The following LDLRAD3 variants were observed in gnomAD, a reference collection of about 807,000 sequenced individuals.
LDLRAD3 encodes the protein low density lipoprotein receptor class A domain containing 3.
Under a neutral mutation model 29.4 loss-of-function variants are expected in LDLRAD3, and 20 were observed. The ratio of observed to expected loss-of-function variants is 0.68; its 90% CI spans 0.48 to 0.99. The LOEUF is 0.99. Ranked by LOEUF, LDLRAD3 falls within the 50% of genes least tolerant of loss-of-function variation. LDLRAD3 has a pLI of 0.00. For missense variants in LDLRAD3, 420 were observed against 454.3 expected (o/e 0.92, Z 0.69); for synonymous variants, 157 against 192.7 (o/e 0.81, Z 1.53).
intron 4 of LDLRAD3, among the ~76,000 whole-genome samples, chr11:36,099,098 C>T (rs1488851634): frequency 6.6e-6 from 1 of 152,008 alleles, no homozygotes; most frequent in Non-Finnish European, 1.5e-5. Flanking sequence ...TTTTTCCCGT[C>T]ATGTTTGTTT....
intron 1 of LDLRAD3, among the ~76,000 whole-genome samples, chr11:36,022,489 T>C (rs1026509573): frequency 1.3e-5 from 2 of 152,168 alleles, no homozygotes; most frequent in Non-Finnish European, 2.9e-5. Context: ...TTCTAATGTT[T>C]CCAGGTCTGT....
At chr11:36,056,374 C>G (rs1852621046) in intron 2 of LDLRAD3, among the ~76,000 whole-genome samples, 1 of 152,130 alleles carries the variant, frequency 6.6e-6, no homozygotes, top group Admixed American at 6.5e-5. Context: ...CTCATTCAGT[C>G]CTCACATCAC....
Position 36,036,141 on chromosome 11 carries a change from T to A in LDLRAD3, c.85T>A (p.Cys29Ser). 6.2e-7 allele frequency: 1 copy of A among 1,614,054 alleles called. No homozygotes were observed. Among genetic ancestry groups the A allele is most frequent in the Non-Finnish European group, 8.5e-7 (1 of 1,180,002 alleles). ...LLPGNNFTNE[C>S]NIPGNFMCSN... is the part of the protein sequence containing the mutation. ...CCCCGGGAACAACTTCACCAATGAGTGCAACATACCAGGCAACTTCATGTG... is the reference window on the plus strand; with the variant it reads ...CCCCGGGAACAACTTCACCAATGAGAGCAACATACCAGGCAACTTCATGTG... The change falls in exon 2 of 6, where the codon TGC (cysteine) becomes AGC (serine). Residue 29 changes from cysteine (C) to serine (S), a missense_variant. Coordinates refer to ENST00000315571, the MANE Select transcript of LDLRAD3 (RefSeq NM_174902.4).
At chr11:36,113,672 CTTT>C (rs745375991) in intron 4 of LDLRAD3, among the ~76,000 whole-genome samples, 1 of 126,380 alleles carries the variant, frequency 7.9e-6, no homozygotes, top group Admixed American at 8.1e-5. Context: ...CATAGCATCA[CTTT>C]TTTTTTTTTT....
At chr11:36,189,280 G>A (rs1344037392) in intron 4 of LDLRAD3, among the ~76,000 whole-genome samples, 1 of 152,108 alleles carries the variant, frequency 6.6e-6, no homozygotes, top group Non-Finnish European at 1.5e-5. Context: ...GAGGTGAGGA[G>A]TTCAAGACCA....
chr11:36,095,809 T>C (rs1288500562), intron 3 of LDLRAD3, among the ~76,000 whole-genome samples: 1 of 152,202 alleles, frequency 6.6e-6, no homozygotes, highest in African/African-American at 2.4e-5. Flanking sequence ...AGAATGCCTT[T>C]CCCAGGCTGT....
chr11:36,131,179 G>C (rs930913845), intron 4 of LDLRAD3, among the ~76,000 whole-genome samples: 2 of 152,220 alleles, frequency 1.3e-5, no homozygotes, highest in African/African-American at 4.8e-5. Flanking sequence ...GGCTTTCCCT[G>C]TTCTCCCAGC....
At chr11:36,131,544 G>A (rs1459432461) in intron 4 of LDLRAD3, among the ~76,000 whole-genome samples, 2 of 152,180 alleles carry the variant, frequency 1.3e-5, no homozygotes, top group Non-Finnish European at 2.9e-5. Context: ...TCTTAGGAAT[G>A]AAAACACTAT....
intron 1 of LDLRAD3, among the ~76,000 whole-genome samples, chr11:36,020,006 A>T (rs748938659): frequency 1.3e-5 from 2 of 152,138 alleles, no homozygotes; most frequent in Admixed American, 6.5e-5. Context: ...TCATCACAGA[A>T]TGCTGGGTTT....
chr11:36,118,545 G>A lies in LDLRAD3; in HGVS notation c.454+20084G>A, dbSNP rs145067558. On this transcript the variant is annotated intron_variant, in intron 4 of 5. Transcript: ENST00000315571. ...AGAGAGAGAAGGAGGGAGAGAGAGA[G>A]AAAAAAAATACCTCATTTTCTGCCA... Among the ~76,000 whole-genome samples, 753 of 150,960 alleles carry A rather than the reference G, an allele frequency of 5.0e-3. 4 individuals carry two copies. The highest frequency in any genetic ancestry group is 0.017 in the African/African-American group (703 of 41,178).
intron 1 of LDLRAD3, among the ~76,000 whole-genome samples, chr11:35,951,278 A>G (rs926234835): frequency 6.6e-6 from 1 of 152,148 alleles, no homozygotes; most frequent in African/African-American, 2.4e-5. Flanking sequence ...TGGATTTATA[A>G]TTATATACAG....
At chr11:36,097,184 A>G (rs1490788326) in intron 3 of LDLRAD3, among the ~76,000 whole-genome samples, 1 of 152,204 alleles carries the variant, frequency 6.6e-6, no homozygotes, top group Non-Finnish European at 1.5e-5. Flanking sequence ...CTGCTCAGAA[A>G]ATGCTCACTG....
intron 1 of LDLRAD3, among the ~76,000 whole-genome samples, chr11:35,970,106 A>C (rs1055734806): frequency 6.6e-6 from 1 of 152,192 alleles, no homozygotes; most frequent in Non-Finnish European, 1.5e-5. Context: ...TACTGTCCTT[A>C]GTGCTTTTAG....
chr11:35,994,299 T>G (rs1364176974), intron 1 of LDLRAD3, among the ~76,000 whole-genome samples: 2 of 119,868 alleles, frequency 1.7e-5, no homozygotes, highest in Non-Finnish European at 3.2e-5. Flanking sequence ...ATAGTGCCAC[T>G]GCACTCCAGC....
chr11:36,181,393 AG>A (rs1395766341), intron 4 of LDLRAD3, among the ~76,000 whole-genome samples: 2 of 152,144 alleles, frequency 1.3e-5, no homozygotes, highest in Non-Finnish European at 2.9e-5. Context: ...ATCACCTCCC[AG>A]TAATCCTGTT....
intron 1 of LDLRAD3, among the ~76,000 whole-genome samples, chr11:36,000,495 T>TA (rs200998353): frequency 0.039 from 6,002 of 152,146 alleles, 159 homozygotes; most frequent in Admixed American, 0.076. Context: ...TTTTATTACT[T>TA]AAAAAAGATA....
chr11:36,182,785 C>T (rs183178366), intron 4 of LDLRAD3, among the ~76,000 whole-genome samples: 2 of 152,310 alleles, frequency 1.3e-5, no homozygotes, highest in Admixed American at 6.5e-5. Flanking sequence ...TGACAAACCA[C>T]AGACATCCCC....
At chr11:36,175,825 G>C (rs1854667938) in intron 4 of LDLRAD3, among the ~76,000 whole-genome samples, 1 of 152,146 alleles carries the variant, frequency 6.6e-6, no homozygotes. Context: ...GTTAAGTTTA[G>C]TTGCTCTAGG....
At chr11:36,097,473 C>T (rs1449648034) in intron 3 of LDLRAD3, among the ~76,000 whole-genome samples, 4 of 152,158 alleles carry the variant, frequency 2.6e-5, no homozygotes, top group Non-Finnish European at 5.9e-5. Context: ...CAGGATATGT[C>T]CATGAGGTTC....
Sources: allele counts gnomAD v4.1 joint callset (sites outside exome capture counted in the v4.1 genomes callset), GRCh38; gene constraint gnomAD v4.1.1; transcripts MANE v1.5; gene names NCBI Gene and HGNC (gene_info 2026-07-23, HGNC 2026-07-21).